STK16: variants seen among roughly 807,000 people sequenced by gnomAD.
The protein encoded by STK16 is serine/threonine kinase 16.
A neutral mutation model predicts 37.8 loss-of-function variants in STK16; 28 were observed. The ratio of observed to expected loss-of-function variants is 0.74; its 90% confidence interval spans 0.55 to 1.02. STK16 has a LOEUF of 1.02. Among genes scored for constraint, STK16 ranks in the 50% least tolerant of loss-of-function variants. The probability of loss-of-function intolerance (pLI) is 0.00; values close to 1 mark genes in which losing one functional copy is unlikely to be tolerated. For synonymous variants in STK16, 134 were observed against 155.0 expected, an observed-to-expected ratio of 0.86 and a Z score of 1.01; for missense variants, 349 against 390.6, an observed-to-expected ratio of 0.89 and a Z score of 0.90.
rs77932535 is a variant in STK16 at position 219,248,950 on chromosome 2, G to A, written c.*391G>A. ...CTGGAGTGAGAGAAGAGGTGCAAGG[G>A]GCCCAAAGTCAGGTTGCCATTTCAG... On this transcript the variant is annotated 3_prime_UTR_variant, in exon 8 of 8. Coordinates refer to ENST00000396738, the MANE Select transcript of STK16 (RefSeq NM_001330213.2). 9.3e-3 allele frequency: 1,625 copies of A among 174,414 alleles called. 32 individuals carry two copies. The highest frequency in any genetic ancestry group is 0.035 in the African/African-American group (1,490 of 42,302). 10.8% of individuals were successfully genotyped at this position (174,414 alleles called of 1,614,324 possible).
intron 5 of STK16, 47 bp downstream of exon 5, chr2:219,247,582 C>T (rs1951564819): frequency 1.2e-6 from 2 of 1,614,108 alleles, no homozygotes; most frequent in African/African-American, 2.7e-5. Flanking sequence ...CCCATTCCCA[C>T]CCCTTCTGGT....
Position 219,249,752 on chromosome 2 carries a change from A to C in STK16, c.*1193A>C, listed in dbSNP as rs1951613374. 6.5e-6 allele frequency: 1 copy of C among 152,830 alleles called. No homozygotes were observed. The highest frequency in any genetic ancestry group is 2.4e-5 in the African/African-American group (1 of 41,474). 9.5% of individuals were successfully genotyped at this position (152,830 alleles called of 1,614,324 possible). Reference sequence around the variant, plus strand: ...TTAATGGCACAGCCCCAGCTCCAGCAAAGCAGCAAGACAGGAAGCTATGCA... The same window carrying C: ...TTAATGGCACAGCCCCAGCTCCAGCCAAGCAGCAAGACAGGAAGCTATGCA... On this transcript the variant is annotated 3_prime_UTR_variant, in exon 8 of 8. Coordinates refer to ENST00000396738, the MANE Select transcript of STK16 (RefSeq NM_001330213.2).
intron 5 of STK16, 29 bp from the exon 6 acceptor site, chr2:219,247,633 A>G (rs1234859509): frequency 1.2e-6 from 2 of 1,612,996 alleles, no homozygotes; most frequent in Non-Finnish European, 1.7e-6. Context: ...CCTGTGCCCC[A>G]CTTTTGAGCT....
In STK16 at chr2:219,246,130, A is replaced by G; in HGVS notation, c.86+45A>G. 1.3e-6 allele frequency: 2 copies of G among 1,550,158 alleles called. No individual in the cohort carries two copies. Among genetic ancestry groups the G allele is most frequent in the Non-Finnish European group, 1.8e-6 (2 of 1,124,122 alleles). On this transcript the variant is annotated intron_variant, in intron 2 of 7. Coordinates refer to ENST00000396738, the MANE Select transcript of STK16 (RefSeq NM_001330213.2). The surrounding 1 kb of genome is among the most constrained non-coding windows in gnomAD (Gnocchi z 4.5). ...TTAACTAGTCCTCAAGTTTATGATC[A>G]TTGAAGGACAGCGGTGTGCATATGC...
Position 219,250,316 on chromosome 2 carries a change from G to A in STK16, c.*1757G>A. ...AAACTGTTTATTTCGAAAGGATTTT[G>A]CAATAAACATAGTGAATAGGCTCCA... is the stretch of plus-strand genomic sequence containing the variant. On this transcript the variant is annotated 3_prime_UTR_variant, in exon 8 of 8. Transcript: ENST00000396738. The surrounding 1 kb of genome is among the most constrained non-coding windows in gnomAD (Gnocchi z 8.4). 1.9e-6 allele frequency: 3 copies of A among 1,568,480 alleles called. No individual in the cohort carries two copies.
chr2:219,247,173 G>C lies in STK16; in HGVS notation c.367G>C (p.Asp123His). 6.2e-7 allele frequency: 1 copy of C among 1,614,228 alleles called. No individual in the cohort carries two copies. Among genetic ancestry groups the C allele is most frequent in the South Asian group, 1.1e-5 (1 of 91,090 alleles). The stretch of plus-strand genomic sequence containing the variant: ...GGACAAAGGCAACTTCCTGACCGAG[G>C]ATCAAATCCTTTGGCTGCTGCTGGG... ...LKDKGNFLTE[D>H]QILWLLLGIC... Residue 123 changes from aspartate to histidine, a missense_variant, in exon 4 of 8, where the codon GAT (aspartate) becomes CAT (histidine). By Grantham distance (81) the Asp-to-His change is moderately conservative (BLOSUM62 -1). Transcript: ENST00000396738.
intron 4 of STK16, 84 bp downstream of exon 4, chr2:219,247,330 A>C: frequency 1.2e-6 from 2 of 1,609,350 alleles, no homozygotes; most frequent in Non-Finnish European, 1.7e-6. Flanking sequence ...TTCTCCCAAG[A>C]AACAGCCTGT....
chr2:219,247,932 G>A (rs1162741197), intron 6 of STK16, 175 bp downstream of exon 6: 7 of 821,866 alleles, frequency 8.5e-6, no homozygotes, highest in East Asian at 2.6e-5. Context: ...AGTTGTACCG[G>A]ATGTGGTATA....
Position 219,248,574 on chromosome 2 carries a change from G to A in STK16, c.*15G>A. ...CCCAAATCTGAAAAAGCAGCATGTT[G>A]AGAAGATGGCCCCTTGTGCCTTGGA... On this transcript the variant is annotated 3_prime_UTR_variant, in exon 8 of 8. Coordinates refer to ENST00000396738, the MANE Select transcript of STK16 (RefSeq NM_001330213.2). 6.3e-7 allele frequency: 1 copy of A among 1,598,920 alleles called. No homozygotes were observed. The highest frequency in any genetic ancestry group is 1.1e-5 in the South Asian group (1 of 89,684).
In STK16 at chr2:219,245,896, C is replaced by A; in HGVS notation, c.-104C>A. ...GACCCTGCCGTTGTTTTCTTTCCAG[C>A]ATGATCCGCTGGGCCCCCAGCGCAT... On this transcript the variant is annotated splice_region_variant and 5_prime_UTR_variant, in exon 2 of 8. Coordinates refer to ENST00000396738, the MANE Select transcript of STK16 (RefSeq NM_001330213.2). 3 of 872,250 alleles carry A rather than the reference C, an allele frequency of 3.4e-6. No individual in the cohort carries two copies. The highest frequency in any genetic ancestry group is 3.6e-6 in the Non-Finnish European group (2 of 549,792). 54.0% of individuals were successfully genotyped at this position (872,250 alleles called of 1,614,324 possible).
At chr2:219,248,093 TA>T in intron 6 of STK16, 99 bp from the exon 7 acceptor site, 2 of 1,539,970 alleles carry the variant, frequency 1.3e-6, no homozygotes, top group Non-Finnish European at 1.8e-6. Flanking sequence ...GAGGTCAGCG[TA>T]TTCTTTTTAG....
In STK16 at chr2:219,246,497, G is replaced by T; in HGVS notation, c.87-160G>T. ...AGATTTCTATATCTCTGCTCCTGAG[G>T]AGCTCACGGTGTAATATTCTTCAGA... On this transcript the variant is annotated intron_variant, in intron 2 of 7. Coordinates refer to ENST00000396738, the MANE Select transcript of STK16 (RefSeq NM_001330213.2). The surrounding 1 kb of genome is among the most constrained non-coding windows in gnomAD (Gnocchi z 4.5). The T allele has an allele frequency of 1.4e-6, 1 of 697,516 alleles. No homozygotes were observed. The highest frequency in any genetic ancestry group is 2.7e-5 in the East Asian group (1 of 36,742). 43.2% of individuals were successfully genotyped at this position (697,516 alleles called of 1,614,324 possible).
At chr2:219,248,024 G>T (rs1951575785) in intron 6 of STK16, 169 bp from the exon 7 acceptor site, 3 of 1,025,618 alleles carry the variant, frequency 2.9e-6, no homozygotes, top group East Asian at 5.0e-5. Flanking sequence ...CTAAACAGGG[G>T]CTGCGGAGGC....
In STK16 at chr2:219,248,323, G is replaced by A; in HGVS notation, c.779+9G>A. On this transcript the variant is annotated intron_variant, in intron 7 of 7. Transcript: ENST00000396738. ...ATCCCACAAAGCCCCAGGTGAGTGA[G>A]CAACGAATAGGGCATCAAGTGTTTC... 6.2e-7 allele frequency: 1 copy of A among 1,614,128 alleles called. No homozygotes were observed. The highest frequency in any genetic ancestry group is 1.6e-4 in the Middle Eastern group (1 of 6,062).
chr2:219,248,474 A>G lies in STK16; in HGVS notation c.833A>G (p.His278Arg). The change falls in exon 8 of 8, where the codon CAT becomes CGT. Residue 278 changes from histidine (H) to arginine (R), a missense_variant. Transcript: ENST00000396738. ...LLNSMMTVDP[H>R]QRPHIPLLLS... ...AACTCGATGATGACCGTGGACCCGC[A>G]TCAGCGTCCTCACATTCCTCTCCTC... 2 of 1,614,152 alleles carry G rather than the reference A, an allele frequency of 1.2e-6. No homozygotes were observed. Among genetic ancestry groups the G allele is most frequent in the Non-Finnish European group, 8.5e-7 (1 of 1,180,024 alleles).
At position 219,246,479 on chromosome 2, in the gene STK16, T is replaced by C. The variant is rs1294140000; in HGVS notation, c.87-178T>C. The C allele has an allele frequency of 4.5e-6, 3 of 667,064 alleles. No homozygotes were observed. Among genetic ancestry groups the C allele is most frequent in the Non-Finnish European group, 8.4e-6 (3 of 357,818 alleles). The allele number at this position is 667,064 out of a possible 1,614,324, so 41.3% of individuals were successfully genotyped here. A position where few individuals can be genotyped will look rare whatever the true frequency, so the allele number is the denominator to read the frequency against. The stretch of plus-strand genomic sequence containing the variant: ...ACGACCATAGGACCTCAAAGATTTC[T>C]ATATCTCTGCTCCTGAGGAGCTCAC... On this transcript the variant is annotated intron_variant, in intron 2 of 7. Transcript: ENST00000396738. This position sits in a 1 kb window ranked among gnomAD's most constrained non-coding sequence, Gnocchi z 4.5.
rs1203554014 is a variant in STK16, at chr2:219,248,157, T to G, written c.658-36T>G. 3.1e-6 allele frequency: 5 copies of G among 1,612,290 alleles called. No individual in the cohort carries two copies. The African/African-American group carries it at 6.7e-5, about 22-fold the overall frequency. ...GTAAAGGGAGAGATGTCACCTCCAC[T>G]GGTCCCCTTCTAGGGACTAATCAAG... On this transcript the variant is annotated intron_variant, in intron 6 of 7. Coordinates refer to ENST00000396738, the MANE Select transcript of STK16 (RefSeq NM_001330213.2).
rs576373662 is a variant in STK16, at chr2:219,247,428, A to C, written c.454A>C (p.Thr152Pro). The stretch of plus-strand genomic sequence containing the variant: ...ACTTCTCTACAGAGACTTGAAGCCC[A>C]CCAATATATTGCTTGGAGATGAGGG... Reference protein sequence around the residue: ...KGYAHRDLKPTNILLGDEGQP... With the variant: ...KGYAHRDLKPPNILLGDEGQP... The change falls in exon 5 of 8, where the codon ACC becomes CCC. Residue 152 changes from threonine (T) to proline (P), a missense_variant. Coordinates refer to ENST00000396738, the MANE Select transcript of STK16 (RefSeq NM_001330213.2). 1 of 1,614,204 alleles carries C rather than the reference A, an allele frequency of 6.2e-7. No homozygotes were observed. The highest frequency in any genetic ancestry group is 1.7e-5 in the Admixed American group (1 of 60,028).
In STK16 at chr2:219,249,472, CCCTAGGGAAGGGCTCTGTT is replaced by C. The variant is rs1353075014; in HGVS notation, c.*916_*934del. 1 of 152,202 alleles carries C rather than the reference CCCTAGGGAAGGGCTCTGTT, an allele frequency of 6.6e-6. No individual in the cohort carries two copies. Among genetic ancestry groups the C allele is most frequent in the African/African-American group, 2.4e-5 (1 of 41,434 alleles). The allele number at this position is 152,202 out of a possible 1,614,324, so 9.4% of individuals were successfully genotyped here. ...GTCTTAGCTGGGCTTCAAACCTGTT[CCCTAGGGAAGGGCTCTGTT>C]CCCTGAATCACCAGGGAGGAAAGGC... On this transcript the variant is annotated 3_prime_UTR_variant, in exon 8 of 8. Transcript: ENST00000396738.
Sources: allele counts gnomAD v4.1 joint callset, GRCh38; gene constraint gnomAD v4.1.1; non-coding constraint Gnocchi (gnomAD v3.1); transcripts MANE v1.5; gene names NCBI Gene and HGNC (gene_info 2026-07-23, HGNC 2026-07-21).